Variants in ZBTB7C observed in about 807,000 individuals in gnomAD.
The protein encoded by ZBTB7C is zinc finger and BTB domain-containing protein 7C.
Under a neutral mutation model 25.7 loss-of-function variants are expected in ZBTB7C, and 8 were observed. That is an observed-to-expected ratio of 0.31 (90% CI 0.18 to 0.56). The LOEUF is 0.56. Ranked by LOEUF, ZBTB7C falls within the 20% of genes least tolerant of loss-of-function variation. ZBTB7C has a pLI of 0.91. For missense variants in ZBTB7C, 824 were observed against 855.2 expected (o/e 0.96, Z 0.46); for synonymous variants, 394 against 369.0 (o/e 1.07, Z -0.78).
chr18:48,311,934 C>T (rs995876893), intron 2 of ZBTB7C, among the ~76,000 whole-genome samples: 19 of 152,226 alleles, frequency 1.2e-4, no homozygotes, highest in African/African-American at 4.3e-4. Context: ...AATCTCTGTA[C>T]TTCTGCTATT....
At chr18:48,264,687 G>A (rs556671628) in intron 2 of ZBTB7C, among the ~76,000 whole-genome samples, 2 of 152,162 alleles carry the variant, frequency 1.3e-5, no homozygotes, top group East Asian at 1.9e-4. Context: ...CCCCTAACCC[G>A]GCCAGCTCCC....
intron 1 of ZBTB7C, among the ~76,000 whole-genome samples, chr18:48,349,729 C>G (rs1030346680): frequency 7.2e-5 from 11 of 152,154 alleles, no homozygotes; most frequent in African/African-American, 2.7e-4. Flanking sequence ...AAGTCTGGTC[C>G]ATTAGGGCCC....
intron 3 of ZBTB7C, among the ~76,000 whole-genome samples, chr18:48,170,495 G>A (rs74476948): frequency 1.3e-5 from 2 of 152,172 alleles, no homozygotes; most frequent in African/African-American, 2.4e-5. Context: ...CACAAAGAAA[G>A]TTCCCACCCA....
chr18:48,138,541 G>A (rs1411805598), intron 3 of ZBTB7C, among the ~76,000 whole-genome samples: 2 of 152,198 alleles, frequency 1.3e-5, no homozygotes, highest in Non-Finnish European at 2.9e-5. Flanking sequence ...GCTGTGGAAA[G>A]AGGGCTGTGG....
intron 1 of ZBTB7C, among the ~76,000 whole-genome samples, chr18:48,384,170 G>T (rs2047694408): frequency 1.3e-5 from 2 of 152,212 alleles, no homozygotes; most frequent in Non-Finnish European, 2.9e-5. Flanking sequence ...AAGATACAAG[G>T]CTTGAGCAAC....
intron 3 of ZBTB7C, among the ~76,000 whole-genome samples, chr18:48,112,494 C>T (rs1209527728): frequency 2.6e-5 from 4 of 151,920 alleles, no homozygotes; most frequent in East Asian, 3.9e-4. Context: ...ACTCCAGGCA[C>T]GCGCTACCAT....
At chr18:48,308,549 A>G (rs2045735950) in intron 2 of ZBTB7C, among the ~76,000 whole-genome samples, 1 of 152,178 alleles carries the variant, frequency 6.6e-6, no homozygotes, top group South Asian at 2.1e-4. Context: ...AGAGTTTCCA[A>G]TTGGACCAAT....
At chr18:48,408,121 T>C (rs763701834) in intron 1 of ZBTB7C, among the ~76,000 whole-genome samples, 14 of 152,192 alleles carry the variant, frequency 9.2e-5, no homozygotes, top group Non-Finnish European at 1.5e-4. Flanking sequence ...AGACTTCCCA[T>C]ACAGGCAGCG....
chr18:48,211,439 T>A (rs1030909457), intron 2 of ZBTB7C, among the ~76,000 whole-genome samples: 3 of 152,062 alleles, frequency 2.0e-5, no homozygotes, highest in African/African-American at 7.3e-5. Flanking sequence ...AAGCAATAAA[T>A]CTGATAAAGA....
At chr18:48,215,070 T>C (rs1234071807) in intron 2 of ZBTB7C, among the ~76,000 whole-genome samples, 3 of 152,238 alleles carry the variant, frequency 2.0e-5, no homozygotes, top group Non-Finnish European at 4.4e-5. Flanking sequence ...AAACATAAAA[T>C]GATAAAATAC....
At chr18:48,279,747 T>C (rs1191427397) in intron 2 of ZBTB7C, among the ~76,000 whole-genome samples, 3 of 152,214 alleles carry the variant, frequency 2.0e-5, no homozygotes, top group African/African-American at 7.2e-5. Flanking sequence ...AGCCCCAGGC[T>C]GTCCAGGCTA....
intron 4 of ZBTB7C, among the ~76,000 whole-genome samples, chr18:48,038,223 G>C (rs2036060412): frequency 6.6e-6 from 1 of 152,120 alleles, no homozygotes; most frequent in Non-Finnish European, 1.5e-5. Context: ...GGCTGGCCTA[G>C]CTCACTGCTA....
chr18:48,343,111 G>C (rs892973909), intron 1 of ZBTB7C, among the ~76,000 whole-genome samples: 1 of 152,058 alleles, frequency 6.6e-6, no homozygotes, highest in Admixed American at 6.5e-5. Flanking sequence ...CTGGCTGTGC[G>C]ACCTTAGGTA....
intron 3 of ZBTB7C, among the ~76,000 whole-genome samples, chr18:48,130,437 C>T (rs1270583564): frequency 3.3e-5 from 5 of 152,148 alleles, no homozygotes; most frequent in Non-Finnish European, 2.9e-5. Flanking sequence ...CAGTTGTGCA[C>T]ACAGCTAGCC....
At chr18:48,084,522 C>A (rs2038112791) in intron 3 of ZBTB7C, among the ~76,000 whole-genome samples, 1 of 152,188 alleles carries the variant, frequency 6.6e-6, no homozygotes, top group Non-Finnish European at 1.5e-5. Context: ...CTGCACTTTT[C>A]TGGGGCATCC....
intron 2 of ZBTB7C, among the ~76,000 whole-genome samples, chr18:48,206,219 G>T (rs1217837771): frequency 6.6e-6 from 1 of 152,194 alleles, no homozygotes; most frequent in East Asian, 1.9e-4. Context: ...AGTAAGCAGA[G>T]TGGTATGGTG....
chr18:48,382,071 A>C (rs1454794273), intron 1 of ZBTB7C, among the ~76,000 whole-genome samples: 1 of 152,248 alleles, frequency 6.6e-6, no homozygotes, highest in Non-Finnish European at 1.5e-5. Flanking sequence ...TGATTAATAC[A>C]TACGTGCACT....
At chr18:48,198,125 T>C (rs1003949614) in intron 2 of ZBTB7C, among the ~76,000 whole-genome samples, 2 of 152,240 alleles carry the variant, frequency 1.3e-5, no homozygotes, top group Admixed American at 6.5e-5. Flanking sequence ...TGGCTTTATA[T>C]GCACTTAACT....
chr18:48,306,850 C>A (rs1234234772), intron 2 of ZBTB7C, among the ~76,000 whole-genome samples: 2 of 152,208 alleles, frequency 1.3e-5, no homozygotes, highest in Non-Finnish European at 2.9e-5. Flanking sequence ...AAGAATTATC[C>A]CCAAAGGAAA....
Sources: allele counts gnomAD v4.1 joint callset (sites outside exome capture counted in the v4.1 genomes callset), GRCh38; gene constraint gnomAD v4.1.1; transcripts MANE v1.5; gene names NCBI Gene and HGNC (gene_info 2026-07-23, HGNC 2026-07-21).